The following RNF144A variants were observed in gnomAD, a reference collection of about 807,000 sequenced individuals.
RNF144A encodes the protein E3 ubiquitin-protein ligase RNF144A.
In RNF144A, 11 loss-of-function variants were observed where a neutral mutation model predicts 38.7. The ratio of observed to expected loss-of-function variants is 0.28; its 90% CI spans 0.18 to 0.47. The LOEUF is 0.47. RNF144A is among the 20% of genes least tolerant of loss of function. RNF144A has a pLI of 0.99. For missense variants in RNF144A, 316 were observed against 377.2 expected, an observed-to-expected ratio of 0.84 and a Z score of 1.34; for synonymous variants, 149 against 143.9, an observed-to-expected ratio of 1.04 and a Z score of -0.25.
chr2:7,050,178 T>G (rs971095614), intron 6 of RNF144A, among the ~76,000 whole-genome samples: 2 of 152,112 alleles, frequency 1.3e-5, no homozygotes, highest in South Asian at 4.2e-4. Flanking sequence ...CACTTTGAAT[T>G]ATAACAATCC....
chr2:6,984,191 T>G (rs1413680766), intron 2 of RNF144A, among the ~76,000 whole-genome samples: 1 of 152,254 alleles, frequency 6.6e-6, no homozygotes, highest in African/African-American at 2.4e-5. Context: ...ATTTATTTTC[T>G]GTCTCCCCGC....
intron 1 of RNF144A, among the ~76,000 whole-genome samples, chr2:6,928,363 C>T (rs889684381): frequency 3.3e-5 from 5 of 152,336 alleles, no homozygotes; most frequent in Admixed American, 2.0e-4. Context: ...CCACCACCTG[C>T]CTGTGTGTTT....
intron 5 of RNF144A, among the ~76,000 whole-genome samples, chr2:7,016,607 G>T (rs1671155255): frequency 1.2e-5 from 1 of 81,884 alleles, no homozygotes; most frequent in African/African-American, 5.1e-5. Context: ...CTAACATTAT[G>T]TTCAAAGTTT....
At chr2:6,992,557 G>A (rs780668912) in intron 2 of RNF144A, among the ~76,000 whole-genome samples, 10 of 152,230 alleles carry the variant, frequency 6.6e-5, no homozygotes, top group Non-Finnish European at 1.5e-4. Context: ...GAGTGTCCCA[G>A]GCAACTGGAG....
intron 2 of RNF144A, among the ~76,000 whole-genome samples, chr2:6,963,645 C>T (rs1017064231): frequency 3.3e-5 from 5 of 152,186 alleles, no homozygotes; most frequent in Non-Finnish European, 5.9e-5. Context: ...ATTTCCTTTT[C>T]TCCTCCCTTC....
intron 2 of RNF144A, chr2:6,996,662 G>T: frequency 2.4e-6 from 1 of 416,092 alleles, no homozygotes; most frequent in Non-Finnish European, 4.5e-6. Flanking sequence ...GCTGAGGCAA[G>T]AGAATCGCTT....
At chr2:7,022,560 T>C (rs1358975547) in intron 6 of RNF144A, among the ~76,000 whole-genome samples, 2 of 152,258 alleles carry the variant, frequency 1.3e-5, no homozygotes, top group African/African-American at 4.8e-5. Context: ...CAGGAGACAC[T>C]GTACACGCTG....
chr2:6,968,224 G>A (rs1395487919), intron 2 of RNF144A, among the ~76,000 whole-genome samples: 4 of 152,202 alleles, frequency 2.6e-5, no homozygotes, highest in Admixed American at 1.3e-4. Context: ...AGAAGGCTAG[G>A]GGAGGTATGT....
intron 6 of RNF144A, among the ~76,000 whole-genome samples, chr2:7,021,465 A>G (rs1671528801): frequency 6.6e-6 from 1 of 151,888 alleles, no homozygotes; most frequent in African/African-American, 2.4e-5. Flanking sequence ...CGACCCTCTC[A>G]GGGTCCCTGC....
intron 2 of RNF144A, among the ~76,000 whole-genome samples, chr2:6,980,748 G>T (rs1383788501): frequency 6.6e-6 from 1 of 152,184 alleles, no homozygotes; most frequent in Non-Finnish European, 1.5e-5. Context: ...GCTCCACTAG[G>T]CAGTGCCCCA....
downstream of RNF144A, among the ~76,000 whole-genome samples, chr2:7,047,937 C>A (rs1297198568): frequency 6.6e-6 from 1 of 152,142 alleles, no homozygotes; most frequent in Non-Finnish European, 1.5e-5. Context: ...CTGCGGGGAC[C>A]CAGTGTTCCT....
intron 2 of RNF144A, among the ~76,000 whole-genome samples, chr2:6,966,868 G>A (rs1279382851): frequency 6.6e-6 from 1 of 152,132 alleles, no homozygotes; most frequent in Non-Finnish European, 1.5e-5. Flanking sequence ...CTGTGGCCAG[G>A]TCTCTGGTTA....
chr2:7,046,939 G>A (rs1432008378), downstream of RNF144A, among the ~76,000 whole-genome samples: 1 of 152,122 alleles, frequency 6.6e-6, no homozygotes, highest in Non-Finnish European at 1.5e-5. Flanking sequence ...CATGTGATGT[G>A]TTTTTTACTG....
At chr2:6,963,539 G>A (rs939297884) in intron 2 of RNF144A, among the ~76,000 whole-genome samples, 4 of 152,132 alleles carry the variant, frequency 2.6e-5, no homozygotes, top group Non-Finnish European at 5.9e-5. Flanking sequence ...TGTGAGGTAT[G>A]CTTAGTTGCC....
chr2:7,004,162 C>A (rs1166664930), intron 3 of RNF144A, among the ~76,000 whole-genome samples: 2 of 152,256 alleles, frequency 1.3e-5, no homozygotes, highest in African/African-American at 4.8e-5. Context: ...CTTCCTGCGG[C>A]CTGTGTGGAC....
intron 6 of RNF144A, among the ~76,000 whole-genome samples, chr2:7,050,172 T>G (rs1248699506): frequency 6.6e-6 from 1 of 152,090 alleles, no homozygotes; most frequent in Non-Finnish European, 1.5e-5. Context: ...AAATCTCACT[T>G]TGAATTATAA....
At chr2:6,996,837 C>A in intron 2 of RNF144A, 79 bp from the exon 3 acceptor site, 1 of 1,445,050 alleles carries the variant, frequency 6.9e-7, no homozygotes, top group Non-Finnish European at 9.5e-7. Flanking sequence ...GTCCCAGCTA[C>A]AGCCAGGAGA....
intron 7 of RNF144A, among the ~76,000 whole-genome samples, chr2:7,025,440 G>A (rs576941208): frequency 3.3e-5 from 5 of 152,316 alleles, no homozygotes; most frequent in African/African-American, 7.2e-5. Context: ...TTGGGAGGCC[G>A]AGGTGGTCAG....
At chr2:6,972,841 C>A (rs956229443) in intron 2 of RNF144A, among the ~76,000 whole-genome samples, 9 of 152,188 alleles carry the variant, frequency 5.9e-5, no homozygotes, top group African/African-American at 2.2e-4. Context: ...GAGTTTAATT[C>A]TTTGCTAGAA....
Sources: allele counts gnomAD v4.1 joint callset (sites outside exome capture counted in the v4.1 genomes callset), GRCh38; gene constraint gnomAD v4.1.1; transcripts MANE v1.5; gene names NCBI Gene and HGNC (gene_info 2026-07-23, HGNC 2026-07-21).